RUNDC3B: variants seen among roughly 807,000 people sequenced by gnomAD.
RUNDC3B encodes RUN domain-containing protein 3B.
RUNDC3B carries 33 observed loss-of-function variants against 58.4 expected under a neutral mutation model. That is an observed-to-expected ratio of 0.56 (90% confidence interval 0.43 to 0.75). The LOEUF is 0.75. Ranked by LOEUF, RUNDC3B falls within the 30% of genes least tolerant of loss-of-function variation. The pLI, the probability that RUNDC3B is intolerant of heterozygous loss-of-function variation, is 0.00. For missense variants in RUNDC3B, 501 were observed against 535.7 expected, an observed-to-expected ratio of 0.94 and a Z score of 0.64; for synonymous variants, 193 against 195.2, an observed-to-expected ratio of 0.99 and a Z score of 0.10.
At chr7:87,771,888 G>A (rs955678977) in intron 7 of RUNDC3B, among the ~76,000 whole-genome samples, 4 of 152,174 alleles carry the variant, frequency 2.6e-5, no homozygotes, top group Admixed American at 2.0e-4. Flanking sequence ...GGTGACATTG[G>A]TACACTGAAA....
At chr7:87,714,313 C>T (rs1284478360) in intron 4 of RUNDC3B, among the ~76,000 whole-genome samples, 1 of 152,090 alleles carries the variant, frequency 6.6e-6, no homozygotes, top group East Asian at 1.9e-4. Flanking sequence ...CAACAATGCA[C>T]TGGATATACC....
At chr7:87,685,183 C>G (rs941172517) in intron 2 of RUNDC3B, among the ~76,000 whole-genome samples, 6 of 152,108 alleles carry the variant, frequency 3.9e-5, no homozygotes, top group African/African-American at 1.4e-4. Flanking sequence ...TTGCAAATCA[C>G]ATGTTTGACA....
At chr7:87,810,980 A>G (rs1237586214) in intron 9 of RUNDC3B, among the ~76,000 whole-genome samples, 2 of 152,176 alleles carry the variant, frequency 1.3e-5, no homozygotes, top group African/African-American at 4.8e-5. Flanking sequence ...CGAACAATAA[A>G]TAAGTGTATA....
At chr7:87,687,333 C>G (rs1200341910) in intron 2 of RUNDC3B, among the ~76,000 whole-genome samples, 1 of 151,652 alleles carries the variant, frequency 6.6e-6, no homozygotes, top group Non-Finnish European at 1.5e-5. Flanking sequence ...TGGTTAACAC[C>G]CTCATCCATT....
chr7:87,773,379 C>A (rs1834405185), intron 7 of RUNDC3B, among the ~76,000 whole-genome samples: 1 of 149,512 alleles, frequency 6.7e-6, no homozygotes, highest in Non-Finnish European at 1.5e-5. Flanking sequence ...CAGTGCTGGA[C>A]TTACATATAT....
At chr7:87,632,347 T>C (rs1821308072) in intron 1 of RUNDC3B, among the ~76,000 whole-genome samples, 1 of 152,216 alleles carries the variant, frequency 6.6e-6, no homozygotes, top group South Asian at 2.1e-4. Flanking sequence ...AAGAGCTGAA[T>C]TGAATTTTGG....
chr7:87,748,464 T>G lies in RUNDC3B; in HGVS notation c.629+6885T>G, dbSNP rs139061052. On this transcript the variant is annotated intron_variant, in intron 6 of 10. Transcript: ENST00000394654. The stretch of plus-strand genomic sequence containing the variant: ...CACAATGCAAGCCTCCGCAGGCTGC[T>G]CTGTCTAGAGCTGACATCTAGTCCT... Among the ~76,000 whole-genome samples the G allele has an allele frequency of 7.9e-5, 12 of 152,330 alleles. No individual in the cohort carries two copies. The South Asian group carries it at 2.5e-3, about 32-fold the overall frequency.
At chr7:87,646,414 T>C (rs983088878) in intron 1 of RUNDC3B, among the ~76,000 whole-genome samples, 3 of 152,202 alleles carry the variant, frequency 2.0e-5, no homozygotes, top group Non-Finnish European at 2.9e-5. Flanking sequence ...TAGATTTTTA[T>C]TTTTGATGAA....
intron 6 of RUNDC3B, among the ~76,000 whole-genome samples, chr7:87,760,398 A>G (rs1394164247): frequency 3.9e-5 from 6 of 152,160 alleles, no homozygotes; most frequent in African/African-American, 1.4e-4. Context: ...TAAGATGGCA[A>G]TACTTCTGAA....
intron 9 of RUNDC3B, among the ~76,000 whole-genome samples, chr7:87,815,894 G>A (rs1034522692): frequency 3.3e-5 from 5 of 152,074 alleles, no homozygotes; most frequent in African/African-American, 7.2e-5. Context: ...AAATTGGTAT[G>A]AAGATTATGT....
At chr7:87,739,510 G>A (rs992828754) in intron 4 of RUNDC3B, among the ~76,000 whole-genome samples, 3 of 151,982 alleles carry the variant, frequency 2.0e-5, no homozygotes, top group African/African-American at 7.2e-5. Context: ...CCCATTGAAA[G>A]ACTCACTTGG....
Position 87,656,800 on chromosome 7 carries a change from C to T in RUNDC3B, c.238+5863C>T, listed in dbSNP as rs990965513. 5.9e-5 allele frequency among the ~76,000 whole-genome samples: 9 copies of T among 152,244 alleles called. No individual in the cohort carries two copies. The South Asian group carries it at 1.9e-3, about 32-fold the overall frequency. On this transcript the variant is annotated intron_variant, in intron 2 of 10. Transcript: ENST00000394654. ...TTCTTCTAAACTTATTTATCCATCA[C>T]TAAGCTACTTAAATTTCAAGTTACT...
intron 2 of RUNDC3B, among the ~76,000 whole-genome samples, chr7:87,672,459 G>A (rs977972454): frequency 3.3e-5 from 5 of 152,140 alleles, no homozygotes. Flanking sequence ...CAAGCCAGTG[G>A]GTCTTATCTT....
intron 2 of RUNDC3B, among the ~76,000 whole-genome samples, chr7:87,690,302 T>C (rs1467841701): frequency 6.6e-6 from 1 of 152,194 alleles, no homozygotes; most frequent in Non-Finnish European, 1.5e-5. Context: ...GTTCATGTGA[T>C]CTATATTTTT....
intron 2 of RUNDC3B, among the ~76,000 whole-genome samples, chr7:87,683,063 AT>A (rs1253056644): frequency 6.6e-6 from 1 of 152,016 alleles, no homozygotes; most frequent in Non-Finnish European, 1.5e-5. Flanking sequence ...TATTATTATT[AT>A]TTTTTTATGT....
intron 6 of RUNDC3B, among the ~76,000 whole-genome samples, chr7:87,763,694 G>A (rs1285193399): frequency 1.3e-5 from 2 of 151,516 alleles, no homozygotes; most frequent in South Asian, 4.2e-4. Flanking sequence ...TTAAAGTTCT[G>A]TTTGGCTGTT....
intron 4 of RUNDC3B, among the ~76,000 whole-genome samples, chr7:87,737,858 T>G (rs189434383): frequency 1.3e-5 from 2 of 152,178 alleles, no homozygotes. Flanking sequence ...TATTTACTAA[T>G]GAGTAAAACT....
chr7:87,811,811 T>G (rs746381496), intron 9 of RUNDC3B, among the ~76,000 whole-genome samples: 1 of 152,212 alleles, frequency 6.6e-6, no homozygotes, highest in Non-Finnish European at 1.5e-5. Flanking sequence ...CTGTTAGGCT[T>G]TCCTTGCATC....
chr7:87,729,231 G>A (rs895751668), intron 4 of RUNDC3B, among the ~76,000 whole-genome samples: 1 of 151,860 alleles, frequency 6.6e-6, no homozygotes, highest in Non-Finnish European at 1.5e-5. Flanking sequence ...CCAAATTGAA[G>A]AACTATCCGA....
Sources: gnomAD v4.1 joint callset for allele counts (sites outside exome capture counted in the v4.1 genomes callset) on GRCh38, gnomAD v4.1.1 for gene constraint, MANE v1.5 for transcripts, NCBI Gene and HGNC (gene_info 2026-07-23, HGNC 2026-07-21) for gene names.